The following ERG variants were observed in gnomAD, a reference collection of about 807,000 sequenced individuals.
The protein encoded by ERG is transcriptional regulator ERG.
Under a neutral mutation model 55.3 loss-of-function variants are expected in ERG, and 9 were observed. The ratio of observed to expected loss-of-function variants is 0.16; its 90% confidence interval spans 0.10 to 0.28. The LOEUF (loss-of-function observed/expected upper bound fraction) is 0.28. Ranked by LOEUF, ERG falls within the 10% of genes least tolerant of loss-of-function variation. The pLI is 1.00. For synonymous variants in ERG, 223 were observed against 237.3 expected (o/e 0.94, Z 0.55); for missense variants, 434 against 631.6 (o/e 0.69, Z 3.35).
intron 2 of ERG, among the ~76,000 whole-genome samples, chr21:38,443,597 A>T (rs17230568): frequency 6.6e-6 from 1 of 152,184 alleles, no homozygotes; most frequent in Non-Finnish European, 1.5e-5. Context: ...TCTGTGTTTC[A>T]GAAATATATA....
chr21:38,408,720 T>C (rs2146469349), intron 3 of ERG, among the ~76,000 whole-genome samples: 1 of 152,162 alleles, frequency 6.6e-6, no homozygotes, highest in South Asian at 2.1e-4. Flanking sequence ...ATGGCTTCTG[T>C]CACACCAGGA....
At chr21:38,546,521 G>A (rs1164189993) in intron 2 of ERG, among the ~76,000 whole-genome samples, 1 of 152,082 alleles carries the variant, frequency 6.6e-6, no homozygotes, top group African/African-American at 2.4e-5. Flanking sequence ...CATTCTTCAG[G>A]CCTTGACACA....
intron 2 of ERG, among the ~76,000 whole-genome samples, chr21:38,425,413 AAGAG>A (rs1009463764): frequency 6.6e-6 from 1 of 151,786 alleles, no homozygotes; most frequent in African/African-American, 2.4e-5. Context: ...GAAAGAAAGA[AAGAG>A]AGAGAGAAAG....
At chr21:38,613,862 T>A (rs1019731913) in intron 1 of ERG, among the ~76,000 whole-genome samples, 1 of 152,100 alleles carries the variant, frequency 6.6e-6, no homozygotes, top group Admixed American at 6.5e-5. Context: ...CCCCCCCTCT[T>A]CAGCCGGCCC....
At chr21:38,586,097 A>G (rs896537060), upstream of ERG, among the ~76,000 whole-genome samples, 1 of 151,040 alleles carries the variant, frequency 6.6e-6, no homozygotes, top group African/African-American at 2.4e-5. Flanking sequence ...CTCTTTTTAA[A>G]ATATTTTTAA....
rs1339088124 is a variant in ERG, at chr21:38,460,470, A to G, written c.19-14849T>C. On this transcript the variant is annotated intron_variant, in intron 1 of 9. Coordinates refer to ENST00000288319, the MANE Select transcript of ERG (RefSeq NM_182918.4). The surrounding 1 kb of genome is among the most constrained non-coding windows in gnomAD (Gnocchi z 5.0). ...TCAAAACTAAATGTGATGAGAATGC[A>G]TATATTGCATATGCCATGTGTACAC... is the stretch of plus-strand genomic sequence containing the variant. Among the ~76,000 whole-genome samples the G allele has an allele frequency of 6.6e-6, 1 of 152,232 alleles. No homozygotes were observed. Among genetic ancestry groups the G allele is most frequent in the Non-Finnish European group, 1.5e-5 (1 of 68,040 alleles).
At chr21:38,646,279 T>TAAA (rs397969203) in intron 1 of ERG, among the ~76,000 whole-genome samples, 4,222 of 110,138 alleles carry the variant, frequency 0.038, 259 homozygotes, top group African/African-American at 0.13. Context: ...AGTCTCTGTC[T>TAAA]AAAAAAAAAA....
chr21:38,654,916 G>T (rs939430006), intron 1 of ERG, among the ~76,000 whole-genome samples: 4 of 150,438 alleles, frequency 2.7e-5, no homozygotes, highest in Non-Finnish European at 5.9e-5. Context: ...ATTTTAATGA[G>T]AATCCATTCA....
intron 1 of ERG, among the ~76,000 whole-genome samples, chr21:38,479,997 C>T (rs779109451): frequency 9.9e-5 from 15 of 152,068 alleles, no homozygotes; most frequent in Non-Finnish European, 1.8e-4. Context: ...CCTCTTGTGC[C>T]TTGGGGCTAC....
Position 38,402,480 on chromosome 21 carries a change from G to A in ERG, c.673+77C>T. On this transcript the variant is annotated intron_variant, in intron 5 of 9. Transcript: ENST00000288319. ...TCTGTCTTCCTGGCACGCGCTGACT[G>A]GTTTCCCATGAAAGCATGCAACCTG... 15 of 1,078,336 alleles carry A rather than the reference G, an allele frequency of 1.4e-5. No individual in the cohort carries two copies. In the South Asian group the frequency reaches 2.0e-4, roughly 15 times the overall value. The allele number at this position is 1,078,336 out of a possible 1,614,324, so 66.8% of individuals were successfully genotyped here.
intron 1 of ERG, among the ~76,000 whole-genome samples, chr21:38,630,123 T>C (rs2060348513): frequency 6.6e-6 from 1 of 152,060 alleles, no homozygotes; most frequent in Non-Finnish European, 1.5e-5. Flanking sequence ...GGGGAATTAG[T>C]GTTCAACAGG....
At chr21:38,595,692 G>T (rs776873080) in intron 1 of ERG, among the ~76,000 whole-genome samples, 1 of 152,146 alleles carries the variant, frequency 6.6e-6, no homozygotes, top group Non-Finnish European at 1.5e-5. Context: ...CTTTAAGATG[G>T]AGACTGTGAT....
intron 1 of ERG, among the ~76,000 whole-genome samples, chr21:38,612,304 C>G (rs1289315852): frequency 6.6e-6 from 1 of 151,980 alleles, no homozygotes; most frequent in African/African-American, 2.4e-5. Flanking sequence ...TCTTTTTTTC[C>G]CCTTTTTCTT....
intron 1 of ERG, among the ~76,000 whole-genome samples, chr21:38,648,419 C>T (rs1455780798): frequency 6.6e-6 from 1 of 152,158 alleles, no homozygotes; most frequent in Admixed American, 6.5e-5. Context: ...GCCAGCATTA[C>T]AGAATGCAAA....
intron 9 of ERG, among the ~76,000 whole-genome samples, chr21:38,388,370 T>C (rs1007175995): frequency 3.3e-4 from 51 of 152,318 alleles, no homozygotes; most frequent in African/African-American, 1.2e-3. Flanking sequence ...GGGATAGAGA[T>C]GTTGGGATGC....
intron 1 of ERG, among the ~76,000 whole-genome samples, chr21:38,447,137 C>T (rs2058899614): frequency 6.7e-6 from 1 of 149,332 alleles, no homozygotes; most frequent in African/African-American, 2.5e-5. Context: ...GATCCTCCAC[C>T]TGTCCCAGGA....
At chr21:38,514,389 C>T (rs1433084667) in intron 2 of ERG, among the ~76,000 whole-genome samples, 2 of 151,730 alleles carry the variant, frequency 1.3e-5, no homozygotes, top group African/African-American at 4.8e-5. Flanking sequence ...AAACAAAACC[C>T]AACAGTATAT....
intron 1 of ERG, among the ~76,000 whole-genome samples, chr21:38,654,073 G>A (rs1168511261): frequency 1.3e-5 from 2 of 152,168 alleles, no homozygotes; most frequent in Non-Finnish European, 2.9e-5. Flanking sequence ...CTGCCCTTGT[G>A]GGACATTCTG....
chr21:38,470,196 T>C (rs2059127016), intron 1 of ERG, among the ~76,000 whole-genome samples: 1 of 152,162 alleles, frequency 6.6e-6, no homozygotes, highest in African/African-American at 2.4e-5. Flanking sequence ...CTGTCCCAAT[T>C]GTATTAAGCA....
Sources: allele counts gnomAD v4.1 joint callset (sites outside exome capture counted in the v4.1 genomes callset), GRCh38; gene constraint gnomAD v4.1.1; non-coding constraint Gnocchi (gnomAD v3.1); transcripts MANE v1.5; gene names NCBI Gene and HGNC (gene_info 2026-07-23, HGNC 2026-07-21).